The following TOX variants were observed in gnomAD, a reference collection of about 807,000 sequenced individuals.
TOX encodes the protein thymocyte selection associated high mobility group box, also known as thymocyte selection-associated high mobility group box protein TOX.
In TOX, 11 loss-of-function variants were observed where a neutral mutation model predicts 53.7. That is an observed-to-expected ratio of 0.20 (90% CI 0.13 to 0.34). The LOEUF (loss-of-function observed/expected upper bound fraction) is 0.34, where lower values mean the gene tolerates loss of function less well. Among genes scored for constraint, TOX ranks in the 10% least tolerant of loss-of-function variants. The pLI is 1.00. For missense variants in TOX, 570 were observed against 664.6 expected (o/e 0.86, Z 1.56); for synonymous variants, 225 against 245.3 (o/e 0.92, Z 0.77).
At chr8:58,883,987 G>T (rs900370525) in intron 3 of TOX, among the ~76,000 whole-genome samples, 4 of 152,036 alleles carry the variant, frequency 2.6e-5, no homozygotes, top group African/African-American at 7.2e-5. Flanking sequence ...AAGCCTCACA[G>T]GTCAAATGTC....
chr8:58,951,329 G>A (rs913130399), intron 2 of TOX, among the ~76,000 whole-genome samples: 2 of 152,174 alleles, frequency 1.3e-5, no homozygotes, highest in East Asian at 3.8e-4. Flanking sequence ...GCTTCCAACT[G>A]AGAGCTATTA....
At chr8:58,828,990 TCA>T (rs1335336633) in intron 5 of TOX, among the ~76,000 whole-genome samples, 1 of 152,174 alleles carries the variant, frequency 6.6e-6, no homozygotes, top group Non-Finnish European at 1.5e-5. Flanking sequence ...TGACTCCCAT[TCA>T]GCTAACTAGG....
chr8:58,878,836 G>A (rs547137688), intron 3 of TOX, among the ~76,000 whole-genome samples: 5 of 152,042 alleles, frequency 3.3e-5, no homozygotes, highest in Non-Finnish European at 7.4e-5. Context: ...TGAGGCGGGC[G>A]GATCACCTGA....
At chr8:59,052,436 T>C (rs1803808686) in intron 1 of TOX, among the ~76,000 whole-genome samples, 1 of 152,212 alleles carries the variant, frequency 6.6e-6, no homozygotes, top group African/African-American at 2.4e-5. Flanking sequence ...TTATTTATGT[T>C]AAAGGATAAA....
intron 1 of TOX, among the ~76,000 whole-genome samples, chr8:58,968,095 GA>G (rs1228165915): frequency 6.6e-6 from 1 of 151,864 alleles, no homozygotes; most frequent in Non-Finnish European, 1.5e-5. Flanking sequence ...CCATTTGAAA[GA>G]AAAAAATGCA....
chr8:59,006,591 T>C (rs529916274), intron 1 of TOX, among the ~76,000 whole-genome samples: 4 of 152,332 alleles, frequency 2.6e-5, no homozygotes, highest in African/African-American at 9.6e-5. Flanking sequence ...CAGTCTTTTC[T>C]AATCTTTATG....
At chr8:58,848,536 T>A (rs1159554508) in intron 4 of TOX, among the ~76,000 whole-genome samples, 2 of 152,128 alleles carry the variant, frequency 1.3e-5, no homozygotes, top group Non-Finnish European at 2.9e-5. Context: ...TATAATGTGA[T>A]TCTTACCCAC....
intron 1 of TOX, among the ~76,000 whole-genome samples, chr8:59,024,885 C>T (rs965368465): frequency 3.3e-5 from 5 of 152,002 alleles, no homozygotes; most frequent in Non-Finnish European, 7.4e-5. Context: ...AATTCCAAAG[C>T]CAGTCAAATT....
chr8:59,032,484 C>T (rs1814376904), intron 1 of TOX, among the ~76,000 whole-genome samples: 2 of 152,210 alleles, frequency 1.3e-5, no homozygotes, highest in African/African-American at 4.8e-5. Context: ...GGACACCCCG[C>T]AGTCTGGTGC....
chr8:58,899,453 A>G (rs1811699259), intron 3 of TOX, among the ~76,000 whole-genome samples: 1 of 152,210 alleles, frequency 6.6e-6, no homozygotes, highest in Non-Finnish European at 1.5e-5. Context: ...AGTCTCTCAC[A>G]CAGTTGTGAT....
At chr8:59,015,178 TG>T (rs1437645385) in intron 1 of TOX, among the ~76,000 whole-genome samples, 7 of 152,248 alleles carry the variant, frequency 4.6e-5, no homozygotes, top group Non-Finnish European at 1.0e-4. Context: ...GGCAGTTCCC[TG>T]GTAACAATTA....
At chr8:58,991,143 T>C (rs1031104088) in intron 1 of TOX, among the ~76,000 whole-genome samples, 50 of 152,192 alleles carry the variant, frequency 3.3e-4, no homozygotes, top group Admixed American at 2.9e-3. Flanking sequence ...CACTACCCCA[T>C]GGTCCCAACA....
At chr8:58,833,436 C>T (rs1810496671) in intron 5 of TOX, among the ~76,000 whole-genome samples, 1 of 152,034 alleles carries the variant, frequency 6.6e-6, no homozygotes, top group Admixed American at 6.6e-5. Context: ...TCACTGTGAA[C>T]CCAGGTCCTC....
At position 59,117,072 on chromosome 8, in the gene TOX, C is replaced by T. The variant is rs1805112996; in HGVS notation, c.102+1814G>A. ...CCAAGTCATTAACTTCTTTTTGGGG[C>T]CTAAAATCACTGATAAACTTAATAA... is the stretch of plus-strand genomic sequence containing the variant. On this transcript the variant is annotated intron_variant, in intron 1 of 8. Coordinates refer to ENST00000361421, the MANE Select transcript of TOX (RefSeq NM_014729.3). The surrounding 1 kb of genome is among the most constrained non-coding windows in gnomAD (Gnocchi z 4.6). Among the ~76,000 whole-genome samples, 1 of 152,128 alleles carries T rather than the reference C, an allele frequency of 6.6e-6. No individual in the cohort carries two copies. Among genetic ancestry groups the T allele is most frequent in the African/African-American group, 2.4e-5 (1 of 41,438 alleles).
At chr8:59,059,646 T>A (rs1803944008) in intron 1 of TOX, among the ~76,000 whole-genome samples, 1 of 152,188 alleles carries the variant, frequency 6.6e-6, no homozygotes. Context: ...CAGAATGGAT[T>A]ACATTATTTG....
At chr8:59,108,853 T>C (rs1318562620) in intron 1 of TOX, among the ~76,000 whole-genome samples, 1 of 152,196 alleles carries the variant, frequency 6.6e-6, no homozygotes, top group Non-Finnish European at 1.5e-5. Context: ...ACCAACACTA[T>C]GCCTATAAAT....
chr8:58,876,096 T>G (rs150179970), intron 3 of TOX, among the ~76,000 whole-genome samples: 405 of 152,234 alleles, frequency 2.7e-3, no homozygotes, highest in African/African-American at 8.9e-3. Flanking sequence ...AAACTAAGTA[T>G]AGAGATGGAT....
chr8:58,873,112 T>C (rs1381002127), intron 3 of TOX, among the ~76,000 whole-genome samples: 5 of 152,150 alleles, frequency 3.3e-5, no homozygotes, highest in Non-Finnish European at 7.4e-5. Flanking sequence ...CCCCAAATAA[T>C]GTTCTTGCTC....
rs1400372744 is a variant in TOX at position 59,078,463 on chromosome 8, C to T, written c.102+40423G>A. Among the ~76,000 whole-genome samples, 5 of 152,186 alleles carry T rather than the reference C, an allele frequency of 3.3e-5. No individual in the cohort carries two copies. In the East Asian group the frequency reaches 9.6e-4, roughly 29 times the overall value. ...TAAAAGGGCGTGGCACTTGCCCCAA[C>T]CCCCACATTCTCTTGCTCCTGCTTT... On this transcript the variant is annotated intron_variant, in intron 1 of 8. Transcript: ENST00000361421.
Sources: allele counts gnomAD v4.1 joint callset (sites outside exome capture counted in the v4.1 genomes callset), GRCh38; gene constraint gnomAD v4.1.1; non-coding constraint Gnocchi (gnomAD v3.1); transcripts MANE v1.5; gene names NCBI Gene and HGNC (gene_info 2026-07-23, HGNC 2026-07-21).